Variants in IMMP2L observed in about 807,000 individuals in gnomAD.
The protein encoded by IMMP2L is inner mitochondrial membrane peptidase subunit 2.
IMMP2L carries 18 observed loss-of-function variants against 19.3 expected under a neutral mutation model. The ratio of observed to expected loss-of-function variants is 0.93; its 90% CI spans 0.64 to 1.38. IMMP2L has a LOEUF of 1.38. Ranked by LOEUF, IMMP2L falls within the 40% of genes most tolerant of loss-of-function variation. The probability of loss-of-function intolerance (pLI) is 0.00; values close to 1 mark genes in which losing one functional copy is unlikely to be tolerated. For missense variants in IMMP2L, 233 were observed against 218.2 expected (o/e 1.07, Z -0.43); for synonymous variants, 76 against 73.0 (o/e 1.04, Z -0.21).
chr7:110,908,858 C>T (rs1437655967), intron 4 of IMMP2L, among the ~76,000 whole-genome samples: 1 of 152,184 alleles, frequency 6.6e-6, no homozygotes, highest in Non-Finnish European at 1.5e-5. Context: ...TTGTAGGTGC[C>T]ATGCACTGGG....
chr7:110,765,700 G>A (rs961842023), intron 5 of IMMP2L, among the ~76,000 whole-genome samples: 3 of 152,020 alleles, frequency 2.0e-5, no homozygotes, highest in Non-Finnish European at 2.9e-5. Context: ...TGTGCAGTGC[G>A]CTGTCTGTTT....
chr7:110,993,877 C>A (rs1822746992), intron 3 of IMMP2L, among the ~76,000 whole-genome samples: 1 of 152,086 alleles, frequency 6.6e-6, no homozygotes, highest in South Asian at 2.1e-4. Flanking sequence ...CTAGACACTG[C>A]AGAGTGAGGT....
chr7:111,488,366 C>T (rs1352174915), intron 2 of IMMP2L, among the ~76,000 whole-genome samples: 2 of 152,094 alleles, frequency 1.3e-5, no homozygotes, highest in South Asian at 4.1e-4. Flanking sequence ...TCCCCAAAGT[C>T]CAATGTGTCA....
chr7:111,093,035 C>G (rs1797026597), intron 3 of IMMP2L, among the ~76,000 whole-genome samples: 1 of 152,136 alleles, frequency 6.6e-6, no homozygotes, highest in East Asian at 1.9e-4. Context: ...GCCACTTTCC[C>G]ATAAATGTGT....
At chr7:111,291,408 T>C (rs1330247614) in intron 3 of IMMP2L, among the ~76,000 whole-genome samples, 1 of 152,172 alleles carries the variant, frequency 6.6e-6, no homozygotes, top group Non-Finnish European at 1.5e-5. Flanking sequence ...ATTACAACAT[T>C]AAAATACCTA....
At chr7:110,960,562 T>C (rs976725898) in intron 4 of IMMP2L, among the ~76,000 whole-genome samples, 4 of 151,940 alleles carry the variant, frequency 2.6e-5, no homozygotes, top group African/African-American at 9.7e-5. Flanking sequence ...GTTTTGCAAA[T>C]ACTAAAAATG....
chr7:110,715,948 T>G (rs1795208382), intron 5 of IMMP2L, among the ~76,000 whole-genome samples: 1 of 152,134 alleles, frequency 6.6e-6, no homozygotes, highest in African/African-American at 2.4e-5. Flanking sequence ...GCTCCAATGT[T>G]GGGTGCTTAT....
intron 2 of IMMP2L, among the ~76,000 whole-genome samples, chr7:111,513,708 C>T (rs1454669881): frequency 2.0e-5 from 3 of 151,978 alleles, no homozygotes; most frequent in Non-Finnish European, 4.4e-5. Context: ...AACCTAAATG[C>T]TCATAAATGG....
At chr7:111,484,002 A>G (rs1018222086) in intron 3 of IMMP2L, among the ~76,000 whole-genome samples, 1 of 152,176 alleles carries the variant, frequency 6.6e-6, no homozygotes, top group Non-Finnish European at 1.5e-5. Context: ...ACACAAAACA[A>G]TGAGGAGAGC....
At chr7:111,413,079 G>A (rs866107039) in intron 3 of IMMP2L, among the ~76,000 whole-genome samples, 3 of 56,200 alleles carry the variant, frequency 5.3e-5, no homozygotes, top group South Asian at 3.7e-4. Context: ...TTCAGACATC[G>A]AAACAAAAAC....
chr7:110,886,679 T>C lies in IMMP2L; in HGVS notation c.322A>G (p.Asn108Asp), dbSNP rs776461426. 4 of 1,583,616 alleles carry C rather than the reference T, an allele frequency of 2.5e-6. No individual in the cohort carries two copies. In the South Asian group the frequency reaches 3.3e-5, roughly 13 times the overall value. ...CCACGGGGGACTTTGACATACCGGTTTTTGTGTCCTATGGTTCTGGAAATA... is the reference window on the plus strand; with the variant it reads ...CCACGGGGGACTTTGACATACCGGTCTTTGTGTCCTATGGTTCTGGAAATA... ...GDIVRTIGHKNRYVKVPRGHI... is the reference protein window; with the variant it reads ...GDIVRTIGHKDRYVKVPRGHI... The change falls in exon 5 of 6, where the codon AAC (asparagine) becomes GAC (aspartate). Residue 108 changes from asparagine (N) to aspartate (D), a missense_variant. Transcript: ENST00000405709.
At chr7:110,772,293 T>C (rs1799091122) in intron 5 of IMMP2L, among the ~76,000 whole-genome samples, 1 of 152,146 alleles carries the variant, frequency 6.6e-6, no homozygotes, top group Non-Finnish European at 1.5e-5. Context: ...CCCACATCTG[T>C]GGGTAATGCC....
At chr7:111,004,810 A>G (rs1216456466) in intron 3 of IMMP2L, among the ~76,000 whole-genome samples, 1 of 152,138 alleles carries the variant, frequency 6.6e-6, no homozygotes, top group African/African-American at 2.4e-5. Context: ...CGGTTTATTT[A>G]TTTAACTTTT....
intron 5 of IMMP2L, among the ~76,000 whole-genome samples, chr7:110,669,186 A>C (rs1481466242): frequency 6.6e-6 from 1 of 151,978 alleles, no homozygotes; most frequent in Non-Finnish European, 1.5e-5. Flanking sequence ...CAAGTCCAAA[A>C]TCTGACAAGG....
intron 3 of IMMP2L, among the ~76,000 whole-genome samples, chr7:111,217,118 T>TCACACACA (rs1160755759): frequency 6.9e-6 from 1 of 144,372 alleles, no homozygotes; most frequent in African/African-American, 2.8e-5. Flanking sequence ...TCTCTCTCTC[T>TCACACACA]CTCTCTCTCA....
chr7:111,414,533 T>C (rs1394208174), intron 3 of IMMP2L, among the ~76,000 whole-genome samples: 1 of 151,726 alleles, frequency 6.6e-6, no homozygotes, highest in African/African-American at 2.4e-5. Context: ...TAGAGATGAA[T>C]AGGTAGGAGC....
intron 2 of IMMP2L, among the ~76,000 whole-genome samples, chr7:111,502,819 C>G (rs1468375663): frequency 6.6e-6 from 1 of 151,162 alleles, no homozygotes; most frequent in East Asian, 1.9e-4. Context: ...ACATTCAAAG[C>G]AGTGTGCAGA....
intron 3 of IMMP2L, among the ~76,000 whole-genome samples, chr7:111,283,034 C>G (rs1820074077): frequency 6.6e-6 from 1 of 152,042 alleles, no homozygotes; most frequent in African/African-American, 2.4e-5. Context: ...TATTTTCAAG[C>G]ACATGTGGAA....
At chr7:111,534,902 T>TA (rs1260583662) in intron 1 of IMMP2L, among the ~76,000 whole-genome samples, 1 of 152,100 alleles carries the variant, frequency 6.6e-6, no homozygotes, top group African/African-American at 2.4e-5. Flanking sequence ...AACAGATCAA[T>TA]ATCCTAGAGC....
Sources: allele counts gnomAD v4.1 joint callset (sites outside exome capture counted in the v4.1 genomes callset), GRCh38; gene constraint gnomAD v4.1.1; transcripts MANE v1.5; gene names NCBI Gene and HGNC (gene_info 2026-07-23, HGNC 2026-07-21).